The following FAM3D variants were observed in gnomAD, a reference collection of about 807,000 sequenced individuals.
FAM3D encodes FAM3 metabolism regulating signaling molecule D.
Under a neutral mutation model 29.8 loss-of-function variants are expected in FAM3D, and 26 were observed. The observed-to-expected ratio is 0.87, with a 90% CI of 0.64 to 1.21. The LOEUF (loss-of-function observed/expected upper bound fraction) is 1.21, where lower values mean the gene tolerates loss of function less well. FAM3D is among the 50% of genes most tolerant of loss of function. The pLI, the probability that FAM3D is intolerant of heterozygous loss-of-function variation, is 0.00. For synonymous variants in FAM3D, 115 were observed against 102.3 expected (o/e 1.12, Z -0.75); for missense variants, 253 against 290.9 (o/e 0.87, Z 0.95).
intron 3 of FAM3D, among the ~76,000 whole-genome samples, chr3:58,650,159 G>T (rs535539505): frequency 6.6e-6 from 1 of 152,194 alleles, no homozygotes; most frequent in Non-Finnish European, 1.5e-5. Flanking sequence ...GGAGGACAGG[G>T]CCTCCAGAGG....
intron 1 of FAM3D, among the ~76,000 whole-genome samples, chr3:58,662,361 A>C (rs997788230): frequency 1.3e-5 from 2 of 152,236 alleles, no homozygotes; most frequent in African/African-American, 2.4e-5. Context: ...GGAAGCCATT[A>C]AGAGATAAGT....
intron 3 of FAM3D, among the ~76,000 whole-genome samples, chr3:58,651,694 T>C (rs1196412309): frequency 1.3e-5 from 2 of 151,926 alleles, no homozygotes; most frequent in Non-Finnish European, 2.9e-5. Flanking sequence ...TTACTGCCCC[T>C]CTCCCACCTC....
chr3:58,636,534 TG>T (rs2066177902), intron 8 of FAM3D, 114 bp from the exon 9 acceptor site: 2 of 1,460,344 alleles, frequency 1.4e-6, no homozygotes, highest in East Asian at 2.3e-5. Flanking sequence ...GCATCTGCCC[TG>T]GGGGTGTCCA....
At chr3:58,661,416 G>C (rs2066926653) in intron 1 of FAM3D, among the ~76,000 whole-genome samples, 1 of 152,144 alleles carries the variant, frequency 6.6e-6, no homozygotes. Flanking sequence ...TCTTGGCAGG[G>C]GTCAGCCACC....
rs1344349222 is a variant in FAM3D, at chr3:58,636,349, T to C, written c.530A>G (p.Asp177Gly). Reference protein sequence around the residue: ...SSYAKQLGFRDSWVFIGAKDL... With the variant: ...SSYAKQLGFRGSWVFIGAKDL... Reference sequence around the variant, plus strand: ...TTTGGCTCCTATGAAGACCCAGCTGTCCCGGAAGCCCAGTTGTTTTGCGTA... The same window carrying C: ...TTTGGCTCCTATGAAGACCCAGCTGCCCCGGAAGCCCAGTTGTTTTGCGTA... Residue 177 changes from aspartate to glycine, a missense_variant, in exon 9 of 10, where the codon GAC becomes GGC. By Grantham distance (94) the Asp-to-Gly change is moderately conservative. Coordinates refer to ENST00000358781, the MANE Select transcript of FAM3D (RefSeq NM_138805.3). 6.2e-7 allele frequency: 1 copy of C among 1,614,162 alleles called. No homozygotes were observed. Among genetic ancestry groups the C allele is most frequent in the East Asian group, 2.2e-5 (1 of 44,876 alleles).
In FAM3D at chr3:58,634,271, C is replaced by T. The variant is rs2066097278; in HGVS notation, c.*8G>A. The T allele has an allele frequency of 1.7e-5, 27 of 1,613,364 alleles. No individual in the cohort carries two copies. Among genetic ancestry groups the T allele is most frequent in the Non-Finnish European group, 2.3e-5 (27 of 1,179,762 alleles). On this transcript the variant is annotated 3_prime_UTR_variant, in exon 10 of 10. Transcript: ENST00000358781. This position sits in a 1 kb window ranked among gnomAD's most constrained non-coding sequence, Gnocchi z 4.6. ...CAGGCCCCTGGCTGAGGAAGAGCCA[C>T]AGCCACCCTAAAATGGCTTCGGGGG... is the stretch of plus-strand genomic sequence containing the variant.
intron 4 of FAM3D, among the ~76,000 whole-genome samples, chr3:58,646,274 G>A (rs998774425): frequency 3.3e-5 from 5 of 152,212 alleles, no homozygotes; most frequent in African/African-American, 9.7e-5. Flanking sequence ...ACAGGCAGAC[G>A]GTTCCGGTTC....
At chr3:58,653,819 CCAAGACCACATTG>C (rs781585060) in intron 2 of FAM3D, 38 bp from the exon 3 acceptor site, 19 of 1,531,468 alleles carry the variant, frequency 1.2e-5, no homozygotes, top group Non-Finnish European at 1.6e-5. Context: ...GACCACAGAG[CCAAGACCACATTG>C]CAAGACCACG....
intron 1 of FAM3D, among the ~76,000 whole-genome samples, chr3:58,664,244 GAC>G (rs2066987328): frequency 6.6e-6 from 1 of 152,206 alleles, no homozygotes; most frequent in Non-Finnish European, 1.5e-5. Flanking sequence ...CCATTCTATA[GAC>G]ACAGTCAACC....
intron 1 of FAM3D, among the ~76,000 whole-genome samples, chr3:58,658,089 T>A (rs2066859135): frequency 1.3e-5 from 2 of 152,130 alleles, no homozygotes; most frequent in South Asian, 4.1e-4. Context: ...AGCCACCCCG[T>A]TCCTCCCATT....
In FAM3D at chr3:58,637,292, C is replaced by T. The variant is rs966354085; in HGVS notation, c.374-67G>A. The T allele has an allele frequency of 2.8e-6, 4 of 1,431,224 alleles. No homozygotes were observed. The African/African-American group carries it at 4.2e-5, about 15-fold the overall frequency. 88.7% of individuals were successfully genotyped at this position (1,431,224 alleles called of 1,614,324 possible). ...GAGCCCTGGTCATTCTCATGCTTGT[C>T]TACTGCCCCATGATGCAGGAGTCAG... On this transcript the variant is annotated intron_variant, in intron 7 of 9. Coordinates refer to ENST00000358781, the MANE Select transcript of FAM3D (RefSeq NM_138805.3).
intron 1 of FAM3D, among the ~76,000 whole-genome samples, chr3:58,663,333 T>C (rs1056732769): frequency 6.6e-6 from 1 of 152,180 alleles, no homozygotes; most frequent in Non-Finnish European, 1.5e-5. Context: ...TGTCTGAGCA[T>C]AGAACAACAT....
In FAM3D at chr3:58,634,506, C is replaced by T; in HGVS notation, c.586-138G>A. 1 of 697,974 alleles carries T rather than the reference C, an allele frequency of 1.4e-6. No individual in the cohort carries two copies. Among genetic ancestry groups the T allele is most frequent in the South Asian group, 1.9e-5 (1 of 52,620 alleles). 43.2% of individuals were successfully genotyped at this position (697,974 alleles called of 1,614,324 possible). A position where few individuals can be genotyped will look rare whatever the true frequency, so the allele number is the denominator to read the frequency against. Reference sequence around the variant, plus strand: ...CACTTCACAGATGGGGAAACTGAGGCTCAGAGAGGGGATGCAACTTGCTCA... The same window carrying T: ...CACTTCACAGATGGGGAAACTGAGGTTCAGAGAGGGGATGCAACTTGCTCA... On this transcript the variant is annotated intron_variant, in intron 9 of 9. Transcript: ENST00000358781. The surrounding 1 kb of genome is among the most constrained non-coding windows in gnomAD (Gnocchi z 4.6).
In FAM3D at chr3:58,634,735, C is replaced by T. The variant is rs2066113857; in HGVS notation, c.586-367G>A. 6.6e-6 allele frequency among the ~76,000 whole-genome samples: 1 copy of T among 152,126 alleles called. No individual in the cohort carries two copies. The highest frequency in any genetic ancestry group is 2.1e-4 in the South Asian group (1 of 4,822). On this transcript the variant is annotated intron_variant, in intron 9 of 9. Coordinates refer to ENST00000358781, the MANE Select transcript of FAM3D (RefSeq NM_138805.3). This position sits in a 1 kb window ranked among gnomAD's most constrained non-coding sequence, Gnocchi z 4.6. ...GTATGCCACGTGGTGTTCTGCAGGG[C>T]CTTATGTATTTAATCTGCACAGTGG...
At chr3:58,643,588 G>A in intron 6 of FAM3D, 74 bp downstream of exon 6, 1 of 1,475,098 alleles carries the variant, frequency 6.8e-7, no homozygotes, top group East Asian at 2.3e-5. Flanking sequence ...AATGTTGGTT[G>A]AATGAATATG....
At chr3:58,650,393 T>G (rs1310117590) in intron 3 of FAM3D, among the ~76,000 whole-genome samples, 1 of 151,654 alleles carries the variant, frequency 6.6e-6, no homozygotes, top group Admixed American at 6.6e-5. Context: ...ACATAGTTGG[T>G]GGGGGCAGGG....
At chr3:58,637,636 A>G (rs955439412) in intron 7 of FAM3D, among the ~76,000 whole-genome samples, 6 of 152,102 alleles carry the variant, frequency 3.9e-5, no homozygotes, top group Non-Finnish European at 7.4e-5. Context: ...TGCCCAGATT[A>G]TCTGTGCTGA....
Position 58,639,722 on chromosome 3 carries a change from G to C in FAM3D, c.373+405C>G, listed in dbSNP as rs551005229. ...GCACACCTGGTAAGAGACCTGCGTG[G>C]GCCCTGATGCAGACTCCAGGTCAGC... On this transcript the variant is annotated intron_variant, in intron 7 of 9. Coordinates refer to ENST00000358781, the MANE Select transcript of FAM3D (RefSeq NM_138805.3). 2.6e-5 allele frequency among the ~76,000 whole-genome samples: 4 copies of C among 152,272 alleles called. No homozygotes were observed. In the South Asian group the frequency reaches 8.3e-4, roughly 32 times the overall value.
chr3:58,640,421 G>A (rs557952952), intron 6 of FAM3D, among the ~76,000 whole-genome samples: 2 of 152,320 alleles, frequency 1.3e-5, no homozygotes, highest in East Asian at 3.9e-4. Context: ...CTCAGTCTGA[G>A]TCGGTGTTCT....
Sources: gnomAD v4.1 joint callset for allele counts (sites outside exome capture counted in the v4.1 genomes callset) on GRCh38, gnomAD v4.1.1 for gene constraint, Gnocchi (gnomAD v3.1) non-coding constraint, MANE v1.5 for transcripts, NCBI Gene and HGNC (gene_info 2026-07-23, HGNC 2026-07-21) for gene names.